TATDN1: variants seen among roughly 807,000 people sequenced by gnomAD.
The protein encoded by TATDN1 is deoxyribonuclease TATDN1.
In TATDN1, 40 loss-of-function variants were observed where a neutral mutation model predicts 46.4. The observed-to-expected ratio is 0.86, with a 90% CI of 0.67 to 1.12. The LOEUF is 1.12. TATDN1 is among the 50% of genes most tolerant of loss of function. The probability of loss-of-function intolerance (pLI) is 0.00; values close to 1 mark genes in which losing one functional copy is unlikely to be tolerated. For synonymous variants in TATDN1, 95 were observed against 105.6 expected (o/e 0.90, Z 0.62); for missense variants, 326 against 348.4 (o/e 0.94, Z 0.51).
chr8:124,517,585 T>C (rs1819597489), intron 4 of TATDN1, among the ~76,000 whole-genome samples: 1 of 152,212 alleles, frequency 6.6e-6, no homozygotes, highest in Non-Finnish European at 1.5e-5. Context: ...GTGGAATGTT[T>C]AATTCCTCAG....
At chr8:124,513,173 A>G (rs1819176356) in intron 6 of TATDN1, among the ~76,000 whole-genome samples, 1 of 152,102 alleles carries the variant, frequency 6.6e-6, no homozygotes, top group Non-Finnish European at 1.5e-5. Context: ...TTGGCCTCCC[A>G]AAGTGCTGGA....
intron 8 of TATDN1, among the ~76,000 whole-genome samples, chr8:124,505,474 C>T (rs1306288593): frequency 6.6e-6 from 1 of 150,534 alleles, no homozygotes; most frequent in Non-Finnish European, 1.5e-5. Flanking sequence ...AAACTGTAAT[C>T]TCAGCAATTT....
chr8:124,534,320 A>G (rs183342064), intron 1 of TATDN1, among the ~76,000 whole-genome samples: 2 of 152,360 alleles, frequency 1.3e-5, no homozygotes, highest in African/African-American at 4.8e-5. Context: ...CATCAAAATT[A>G]TAAGAACTTC....
intron 6 of TATDN1, among the ~76,000 whole-genome samples, chr8:124,510,553 G>A (rs1298234353): frequency 3.3e-5 from 5 of 152,208 alleles, no homozygotes; most frequent in Non-Finnish European, 7.3e-5. Flanking sequence ...AGCTGGGTGT[G>A]TGGTTCAGGC....
chr8:124,510,047 ATT>A (rs1818875143), intron 6 of TATDN1, among the ~76,000 whole-genome samples: 1 of 149,298 alleles, frequency 6.7e-6, no homozygotes, highest in Admixed American at 6.8e-5. Context: ...AAAAAAAAAA[ATT>A]AAAAATTAAA....
intron 9 of TATDN1, among the ~76,000 whole-genome samples, chr8:124,503,459 T>C (rs1285038633): frequency 6.6e-6 from 1 of 152,096 alleles, no homozygotes; most frequent in Non-Finnish European, 1.5e-5. Flanking sequence ...TTAAAGTTAA[T>C]TAAACCATTA....
At chr8:124,518,045 T>C (rs1452101936) in intron 4 of TATDN1, among the ~76,000 whole-genome samples, 1 of 149,118 alleles carries the variant, frequency 6.7e-6, no homozygotes, top group East Asian at 2.0e-4. Context: ...ACCCCTTCTC[T>C]ACTAAAAATA....
At chr8:124,492,645 T>C (rs1817113024) in intron 11 of TATDN1, among the ~76,000 whole-genome samples, 1 of 151,182 alleles carries the variant, frequency 6.6e-6, no homozygotes. Context: ...TTCCAGCTAC[T>C]TGGGAGGCTG....
chr8:124,501,101 T>C lies in TATDN1; in HGVS notation c.593+3170A>G, dbSNP rs1175047874. ...CAAGACAATCCACATCAGAAACAGC[T>C]GGAGAACAACAAGCACAGAGGAGTA... On this transcript the variant is annotated intron_variant, in intron 9 of 11. Transcript: ENST00000276692. Among the ~76,000 whole-genome samples, 4 of 152,290 alleles carry C rather than the reference T, an allele frequency of 2.6e-5. No individual in the cohort carries two copies. The East Asian group carries it at 5.8e-4, about 22-fold the overall frequency.
chr8:124,501,493 A>G (rs1218028373), intron 9 of TATDN1, among the ~76,000 whole-genome samples: 4 of 152,096 alleles, frequency 2.6e-5, no homozygotes, highest in Non-Finnish European at 1.5e-5. Flanking sequence ...AGACCAAAGG[A>G]AAGAAGAAAA....
chr8:124,528,755 GA>G (rs1250479252), intron 1 of TATDN1, among the ~76,000 whole-genome samples: 1 of 152,170 alleles, frequency 6.6e-6, no homozygotes, highest in Non-Finnish European at 1.5e-5. Context: ...CCAGACCCAG[GA>G]AAAGTCTTGA....
intron 1 of TATDN1, among the ~76,000 whole-genome samples, chr8:124,529,905 A>T (rs1374443953): frequency 1.3e-5 from 2 of 152,166 alleles, no homozygotes; most frequent in Non-Finnish European, 2.9e-5. Context: ...CAGCCTGGCC[A>T]ACACAGTGAA....
chr8:124,536,448 G>A (rs1022220668), intron 1 of TATDN1, among the ~76,000 whole-genome samples: 1 of 152,158 alleles, frequency 6.6e-6, no homozygotes, highest in Non-Finnish European at 1.5e-5. Context: ...TTGGGAGGAT[G>A]AGGCAGGAAG....
At chr8:124,519,690 G>A (rs1359789856) in intron 3 of TATDN1, among the ~76,000 whole-genome samples, 2 of 152,192 alleles carry the variant, frequency 1.3e-5, no homozygotes, top group African/African-American at 4.8e-5. Context: ...GGTTTTGAGA[G>A]CAAAAGGTTT....
intron 10 of TATDN1, 30 bp downstream of exon 10, chr8:124,495,442 T>C (rs540965449): frequency 3.8e-5 from 59 of 1,555,868 alleles, no homozygotes; most frequent in Non-Finnish European, 4.9e-5. Context: ...TATGGTTTAA[T>C]ATGAAACAAA....
Position 124,493,749 on chromosome 8 carries a change from T to C in TATDN1, c.791+84A>G, listed in dbSNP as rs1477350921. 1.1e-5 allele frequency: 16 copies of C among 1,482,684 alleles called. No homozygotes were observed. The East Asian group carries it at 3.3e-4, about 31-fold the overall frequency. 91.8% of individuals were successfully genotyped at this position (1,482,684 alleles called of 1,614,324 possible). The stretch of plus-strand genomic sequence containing the variant: ...ACTTCACTTGGATTTTGCAAAATTT[T>C]AATTCTGTCCCTTGCGTTAATTTTA... On this transcript the variant is annotated intron_variant, in intron 11 of 11. Coordinates refer to ENST00000276692, the MANE Select transcript of TATDN1 (RefSeq NM_032026.4).
intron 11 of TATDN1, chr8:124,488,930 T>C: frequency 2.2e-6 from 1 of 447,560 alleles, no homozygotes; most frequent in Middle Eastern, 6.3e-4. Context: ...TCAAGTAAAT[T>C]ATTAAAGCAG....
At chr8:124,502,357 A>T (rs1818046412) in intron 9 of TATDN1, among the ~76,000 whole-genome samples, 1 of 151,740 alleles carries the variant, frequency 6.6e-6, no homozygotes, top group African/African-American at 2.4e-5. Context: ...AAAAAAAAAA[A>T]AGTGGGGTTC....
intron 11 of TATDN1, among the ~76,000 whole-genome samples, chr8:124,492,300 A>T (rs1218955833): frequency 5.3e-5 from 8 of 152,150 alleles, no homozygotes; most frequent in Non-Finnish European, 1.2e-4. Flanking sequence ...TAAACAGTCT[A>T]CATTTAAAAA....
Sources: gnomAD v4.1 joint callset for allele counts (sites outside exome capture counted in the v4.1 genomes callset) on GRCh38, gnomAD v4.1.1 for gene constraint, MANE v1.5 for transcripts, NCBI Gene and HGNC (gene_info 2026-07-23, HGNC 2026-07-21) for gene names.